Variants in RIMS2 observed in about 807,000 individuals in gnomAD.
The protein encoded by RIMS2 is regulating synaptic membrane exocytosis protein 2.
A neutral mutation model predicts 174.4 loss-of-function variants in RIMS2; 59 were observed. The observed-to-expected ratio is 0.34, with a 90% confidence interval of 0.27 to 0.42. RIMS2 has a LOEUF of 0.42. RIMS2 is among the 10% of genes least tolerant of loss of function. The pLI is 1.00. For missense variants in RIMS2, 1,620 were observed against 1,666.3 expected, an observed-to-expected ratio of 0.97 and a Z score of 0.48; for synonymous variants, 606 against 572.5, an observed-to-expected ratio of 1.06 and a Z score of -0.84.
chr8:103,786,467 T>C (rs1370055416), intron 3 of RIMS2, among the ~76,000 whole-genome samples: 1 of 152,114 alleles, frequency 6.6e-6, no homozygotes, highest in African/African-American at 2.4e-5. Context: ...TCTGGTATGT[T>C]GTGTCTTTGT....
chr8:103,521,726 A>G (rs76614154), intron 1 of RIMS2, among the ~76,000 whole-genome samples: 1,798 of 152,066 alleles, frequency 0.012, 42 homozygotes, highest in African/African-American at 0.041. Flanking sequence ...CCTGGATTCT[A>G]AAGTTGTACT....
chr8:104,055,760 T>C (rs1439216731), intron 19 of RIMS2, among the ~76,000 whole-genome samples: 1 of 152,216 alleles, frequency 6.6e-6, no homozygotes, highest in Non-Finnish European at 1.5e-5. Flanking sequence ...GCCTAAAAGA[T>C]CCTTCTACAT....
chr8:103,945,981 G>A (rs2083650466), intron 14 of RIMS2, among the ~76,000 whole-genome samples: 1 of 152,052 alleles, frequency 6.6e-6, no homozygotes, highest in Admixed American at 6.6e-5. Flanking sequence ...TTGTAGTTAG[G>A]ACAGTCAGGC....
intron 1 of RIMS2, among the ~76,000 whole-genome samples, chr8:103,680,874 T>C (rs1458215935): frequency 3.9e-5 from 6 of 152,008 alleles, no homozygotes; most frequent in Admixed American, 3.3e-4. Flanking sequence ...TATTCATACT[T>C]TGCTTGCAGG....
intron 19 of RIMS2, among the ~76,000 whole-genome samples, chr8:104,127,935 G>T (rs899911882): frequency 2.0e-5 from 3 of 152,062 alleles, no homozygotes; most frequent in African/African-American, 7.2e-5. Context: ...AGGTCACAGG[G>T]GATTTGCATC....
intron 14 of RIMS2, among the ~76,000 whole-genome samples, chr8:103,945,818 T>A (rs1267399646): frequency 6.7e-6 from 1 of 150,186 alleles, no homozygotes; most frequent in Non-Finnish European, 1.5e-5. Context: ...CTCCACAAAG[T>A]AGGCATAGAA....
At chr8:103,664,050 A>G (rs188959359) in intron 1 of RIMS2, among the ~76,000 whole-genome samples, 23 of 152,350 alleles carry the variant, frequency 1.5e-4, no homozygotes, top group African/African-American at 5.0e-4. Context: ...TATTTAATCA[A>G]TGGTGCTGGG....
At chr8:103,933,411 G>A (rs892873196) in intron 12 of RIMS2, among the ~76,000 whole-genome samples, 48 of 152,024 alleles carry the variant, frequency 3.2e-4, no homozygotes, top group African/African-American at 1.2e-3. Context: ...GCTTTAACCT[G>A]CGAGGCATAA....
intron 1 of RIMS2, among the ~76,000 whole-genome samples, chr8:103,630,504 A>G (rs761100716): frequency 2.0e-4 from 30 of 150,318 alleles, no homozygotes; most frequent in Admixed American, 3.3e-4. Flanking sequence ...CACTAGAACC[A>G]GGGAGGCAAA....
At chr8:103,969,343 G>T (rs986853682) in intron 15 of RIMS2, among the ~76,000 whole-genome samples, 6 of 151,974 alleles carry the variant, frequency 3.9e-5, no homozygotes, top group Admixed American at 6.6e-5. Context: ...TATACCTTGT[G>T]TAGTTGTCCC....
In RIMS2 at chr8:104,248,681, A is replaced by G. The variant is rs766558693; in HGVS notation, c.3477-20A>G. 1.5e-6 allele frequency: 2 copies of G among 1,292,696 alleles called. No homozygotes were observed. The highest frequency in any genetic ancestry group is 3.4e-5 in the Admixed American group (2 of 59,570). The allele number at this position is 1,292,696 out of a possible 1,614,324, so 80.1% of individuals were successfully genotyped here. ...AAATAGGGGTTGGGGATTTAATCTC[A>G]TATGTTATTTTGCTTTCAGTCTGAT... is the stretch of plus-strand genomic sequence containing the variant. On this transcript the variant is annotated intron_variant, in intron 20 of 23. Coordinates refer to ENST00000504942, the Ensembl canonical transcript of RIMS2.
intron 2 of RIMS2, among the ~76,000 whole-genome samples, chr8:103,745,816 G>C (rs1281892339): frequency 6.6e-6 from 1 of 152,058 alleles, no homozygotes; most frequent in Non-Finnish European, 1.5e-5. Flanking sequence ...GGTTGTTGTT[G>C]GGTTGTAAGA....
intron 1 of RIMS2, among the ~76,000 whole-genome samples, chr8:103,553,076 C>T (rs1455166513): frequency 6.6e-6 from 1 of 152,066 alleles, no homozygotes; most frequent in African/African-American, 2.4e-5. Flanking sequence ...TACCGTTTGA[C>T]CCAGCCATCC....
intron 19 of RIMS2, among the ~76,000 whole-genome samples, chr8:104,175,750 T>C (rs1373233232): frequency 6.6e-6 from 1 of 152,158 alleles, no homozygotes; most frequent in Non-Finnish European, 1.5e-5. Context: ...ATGAGTCATA[T>C]AAAGCTTTCA....
intron 2 of RIMS2, among the ~76,000 whole-genome samples, chr8:103,745,244 A>G (rs1171076563): frequency 2.0e-5 from 3 of 152,142 alleles, no homozygotes; most frequent in Admixed American, 1.3e-4. Context: ...AGTTATCTGT[A>G]CTGGACATTT....
chr8:103,611,011 G>A (rs143227084), intron 1 of RIMS2, among the ~76,000 whole-genome samples: 205 of 152,208 alleles, frequency 1.3e-3, no homozygotes, highest in African/African-American at 4.4e-3. Flanking sequence ...ACTCATTATC[G>A]GCCTGTTCAG....
intron 2 of RIMS2, among the ~76,000 whole-genome samples, chr8:103,746,766 C>T (rs946404503): frequency 1.3e-5 from 2 of 151,898 alleles, no homozygotes; most frequent in East Asian, 3.9e-4. Context: ...CTGCAACCTC[C>T]GCCTCCCGGG....
chr8:103,957,335 G>T (rs987984349), intron 14 of RIMS2, among the ~76,000 whole-genome samples: 2 of 152,130 alleles, frequency 1.3e-5, no homozygotes, highest in African/African-American at 4.8e-5. Context: ...CAATAGCAAA[G>T]ACTTGGAACC....
At chr8:103,812,905 A>C (rs1403689923) in intron 3 of RIMS2, among the ~76,000 whole-genome samples, 1 of 152,196 alleles carries the variant, frequency 6.6e-6, no homozygotes, top group Non-Finnish European at 1.5e-5. Context: ...TATAGCCTTT[A>C]GATTTTTATC....
Sources: allele counts gnomAD v4.1 joint callset (sites outside exome capture counted in the v4.1 genomes callset), GRCh38; gene constraint gnomAD v4.1.1; transcripts MANE v1.5; gene names NCBI Gene and HGNC (gene_info 2026-07-23, HGNC 2026-07-21).